The following NT5C3A variants were observed in gnomAD, a reference collection of about 807,000 sequenced individuals.
NT5C3A encodes the protein cytosolic 5'-nucleotidase 3A.
NT5C3A carries 23 observed loss-of-function variants against 40.0 expected under a neutral mutation model. The ratio of observed to expected loss-of-function variants is 0.58; its 90% CI spans 0.41 to 0.81. NT5C3A has a LOEUF of 0.81. NT5C3A is among the 40% of genes least tolerant of loss of function. NT5C3A has a pLI of 0.00. For missense variants in NT5C3A, 328 were observed against 403.0 expected (o/e 0.81, Z 1.59); for synonymous variants, 130 against 141.4 (o/e 0.92, Z 0.57).
intron 1 of NT5C3A, among the ~76,000 whole-genome samples, chr7:33,042,855 A>T (rs1450364314): frequency 6.6e-6 from 1 of 152,220 alleles, no homozygotes; most frequent in Non-Finnish European, 1.5e-5. Flanking sequence ...GGAAACTTGA[A>T]ACAACCTAAA....
intron 8 of NT5C3A, 138 bp downstream of exon 8, chr7:33,015,532 T>C (rs1483897870): frequency 7.9e-6 from 5 of 635,098 alleles, no homozygotes; most frequent in Non-Finnish European, 1.4e-5. Flanking sequence ...CACTACACTC[T>C]AGCCTCGGTA....
chr7:33,021,157 C>A, intron 5 of NT5C3A, 115 bp downstream of exon 5: 1 of 1,373,482 alleles, frequency 7.3e-7, no homozygotes, highest in Non-Finnish European at 1.0e-6. Context: ...CTCTAACTTG[C>A]ATAATTTATT....
intron 1 of NT5C3A, among the ~76,000 whole-genome samples, chr7:33,046,474 G>A (rs1325631769): frequency 6.6e-6 from 1 of 151,906 alleles, no homozygotes; most frequent in African/African-American, 2.4e-5. Context: ...AGAAGGTAGA[G>A]GCTGCAGTAC....
At chr7:33,034,057 A>C (rs188878437) in intron 1 of NT5C3A, among the ~76,000 whole-genome samples, 1 of 151,328 alleles carries the variant, frequency 6.6e-6, no homozygotes, top group Admixed American at 6.6e-5. Context: ...CGCCTGGATA[A>C]TTTTTTTGTA....
chr7:33,022,339 G>T (rs1158708826), intron 3 of NT5C3A, among the ~76,000 whole-genome samples: 1 of 152,102 alleles, frequency 6.6e-6, no homozygotes, highest in Non-Finnish European at 1.5e-5. Flanking sequence ...GTGACTGCTC[G>T]CTTACATCAC....
chr7:33,051,506 CTATT>C (rs1285543018), intron 1 of NT5C3A, among the ~76,000 whole-genome samples: 4 of 151,976 alleles, frequency 2.6e-5, no homozygotes, highest in Admixed American at 6.6e-5. Flanking sequence ...AATATGGAAA[CTATT>C]TAACATAAAA....
chr7:33,055,073 C>G (rs182328084), intron 1 of NT5C3A, among the ~76,000 whole-genome samples: 38 of 152,216 alleles, frequency 2.5e-4, no homozygotes, highest in South Asian at 6.2e-4. Context: ...ACCTGTAATC[C>G]CAGCATTTTG....
intron 8 of NT5C3A, 28 bp downstream of exon 8, chr7:33,015,642 G>C (rs565429644): frequency 1.4e-6 from 2 of 1,467,538 alleles, no homozygotes; most frequent in Non-Finnish European, 9.5e-7. Context: ...TATTTTCTTC[G>C]AAAAAAATTA....
intron 1 of NT5C3A, chr7:33,035,944 T>C (rs1328703754): frequency 1.2e-6 from 2 of 1,613,250 alleles, no homozygotes; most frequent in South Asian, 1.1e-5. Flanking sequence ...CATTTTCACA[T>C]GTACGGCAGA....
At chr7:33,018,084 A>G (rs1016409405) in intron 6 of NT5C3A, among the ~76,000 whole-genome samples, 4 of 152,210 alleles carry the variant, frequency 2.6e-5, no homozygotes, top group Middle Eastern at 3.2e-3. Flanking sequence ...GGGTTAAAAC[A>G]TGGATATATT....
chr7:33,024,924 G>A (rs375546951), intron 2 of NT5C3A, among the ~76,000 whole-genome samples: 5 of 152,208 alleles, frequency 3.3e-5, no homozygotes, highest in African/African-American at 7.2e-5. Context: ...GAGATCACTC[G>A]AGGTCAGGAG....
chr7:33,037,888 T>C (rs1786696098), intron 1 of NT5C3A, among the ~76,000 whole-genome samples: 1 of 152,148 alleles, frequency 6.6e-6, no homozygotes, highest in Admixed American at 6.5e-5. Context: ...CAAAATATAA[T>C]GGTAGTTTGG....
rs1382189157 is a variant in NT5C3A at position 33,019,647 on chromosome 7, T to A, written c.518A>T (p.Asp173Val). The A allele has an allele frequency of 1.2e-6, 2 of 1,600,356 alleles. No homozygotes were observed. The highest frequency in any genetic ancestry group is 1.7e-6 in the Non-Finnish European group (2 of 1,168,834). The stretch of plus-strand genomic sequence containing the variant: ...CCAAGAAACTTACTTGAGCATAACG[T>A]CAGATTCTGCCACAATTTCTTTAAG... Reference protein sequence around the residue: ...AKLKEIVAESDVMLKEGYENF... With the variant: ...AKLKEIVAESVVMLKEGYENF... The change falls in exon 6 of 9, where the codon GAC (aspartate) becomes GTC (valine). Residue 173 changes from aspartate to valine, a missense_variant. Asp to Val is a radical substitution (Grantham distance 152). This residue lies in a region of NT5C3A where 280 missense variants were observed against 317.2 expected (regional missense o/e 0.88). Coordinates refer to ENST00000610140, the MANE Select transcript of NT5C3A (RefSeq NM_001002010.5).
chr7:33,036,051 A>C, intron 1 of NT5C3A: 1 of 1,280,952 alleles, frequency 7.8e-7, no homozygotes, highest in Admixed American at 1.7e-5. Flanking sequence ...GACATACATA[A>C]ATTTCAGGTT....
At chr7:33,046,587 A>T (rs1192139877) in intron 1 of NT5C3A, among the ~76,000 whole-genome samples, 1 of 152,164 alleles carries the variant, frequency 6.6e-6, no homozygotes, top group African/African-American at 2.4e-5. Flanking sequence ...CAAAAACTCA[A>T]GTAAAATTGT....
chr7:33,062,570 T>C lies in NT5C3A; in HGVS notation c.136A>G (p.Met46Val). 2 of 1,610,038 alleles carry C rather than the reference T, an allele frequency of 1.2e-6. No individual in the cohort carries two copies. Among genetic ancestry groups the C allele is most frequent in the Non-Finnish European group, 1.7e-6 (2 of 1,178,868 alleles). ...KTGRKTKIIEMMPEFQKSSVR... is the reference protein window; with the variant it reads ...KTGRKTKIIEVMPEFQKSSVR... Reference sequence around the variant, plus strand: ...GCGCGCCGAGCCTCCACACTCACCATCTCGATGATCTTGGTCTTCCGCCCC... The same window carrying C: ...GCGCGCCGAGCCTCCACACTCACCACCTCGATGATCTTGGTCTTCCGCCCC... The change falls in exon 1 of 9, where the codon ATG becomes GTG. Residue 46 changes from methionine (M) to valine (V), a missense_variant and splice_region_variant. This residue lies in a region of NT5C3A where 280 missense variants were observed against 317.2 expected (regional missense o/e 0.88). Coordinates refer to ENST00000610140, the MANE Select transcript of NT5C3A (RefSeq NM_001002010.5).
chr7:33,053,151 A>G (rs76818125), intron 1 of NT5C3A, among the ~76,000 whole-genome samples: 2 of 152,144 alleles, frequency 1.3e-5, no homozygotes, highest in Non-Finnish European at 1.5e-5. Flanking sequence ...TAAAGATGTA[A>G]TGAGCCTGGG....
At chr7:33,028,486 A>G (rs1397193941) in intron 1 of NT5C3A, among the ~76,000 whole-genome samples, 2 of 152,244 alleles carry the variant, frequency 1.3e-5, no homozygotes, top group Admixed American at 1.3e-4. Flanking sequence ...AGCATAGGCA[A>G]TAATAGTACC....
intron 1 of NT5C3A, 75 bp from the exon 2 acceptor site, chr7:33,026,990 C>T (rs992549347): frequency 4.3e-5 from 40 of 933,978 alleles, no homozygotes; most frequent in African/African-American, 1.5e-4. Context: ...AAGCAGAAAC[C>T]TGTCTTATTT....
Sources: gnomAD v4.1 joint callset for allele counts (sites outside exome capture counted in the v4.1 genomes callset) on GRCh38, gnomAD v4.1.1 for gene constraint, gnomAD v4.1.1 regional missense constraint, MANE v1.5 for transcripts, NCBI Gene and HGNC (gene_info 2026-07-23, HGNC 2026-07-21) for gene names.